CEP128: variants seen among roughly 807,000 people sequenced by gnomAD.
CEP128 encodes the protein centrosomal protein 128, also known as centrosomal protein 128kDa.
Under a neutral mutation model 156.7 loss-of-function variants are expected in CEP128, and 132 were observed. The observed-to-expected ratio is 0.84, with a 90% CI of 0.73 to 0.97. The LOEUF (loss-of-function observed/expected upper bound fraction) is 0.97. CEP128 is among the 50% of genes least tolerant of loss of function. The pLI is 0.00. For synonymous variants in CEP128, 469 were observed against 448.9 expected (o/e 1.04, Z -0.57); for missense variants, 1,252 against 1,281.9 (o/e 0.98, Z 0.36).
At chr14:80,783,788 T>C (rs1901249678) in intron 15 of CEP128, among the ~76,000 whole-genome samples, 1 of 152,142 alleles carries the variant, frequency 6.6e-6, no homozygotes, top group Non-Finnish European at 1.5e-5. Context: ...TTTTATTTCT[T>C]AGGAGCATAT....
chr14:80,801,758 A>G (rs1367242966), intron 13 of CEP128, among the ~76,000 whole-genome samples: 6 of 151,748 alleles, frequency 4.0e-5, no homozygotes, highest in African/African-American at 1.5e-4. Flanking sequence ...AATACAAAAA[A>G]TTAGCTGGGC....
At chr14:80,609,248 G>A (rs1892903382) in intron 19 of CEP128, among the ~76,000 whole-genome samples, 1 of 151,990 alleles carries the variant, frequency 6.6e-6, no homozygotes, top group African/African-American at 2.4e-5. Context: ...TATGTAATTG[G>A]GAAGGGCTAG....
intron 16 of CEP128, among the ~76,000 whole-genome samples, chr14:80,776,912 C>T (rs934908006): frequency 2.6e-5 from 4 of 152,114 alleles, no homozygotes; most frequent in African/African-American, 9.7e-5. Flanking sequence ...AAAGTAGTGA[C>T]TTCTAAAAAT....
At chr14:80,856,718 T>G (rs1033665935) in intron 9 of CEP128, among the ~76,000 whole-genome samples, 1 of 124,908 alleles carries the variant, frequency 8.0e-6, no homozygotes, top group Non-Finnish European at 1.5e-5. Flanking sequence ...TGTTTTTCTT[T>G]TCTTTTTTTT....
chr14:80,701,584 T>C (rs1377609210), intron 19 of CEP128, among the ~76,000 whole-genome samples: 1 of 152,018 alleles, frequency 6.6e-6, no homozygotes, highest in Admixed American at 6.6e-5. Flanking sequence ...ATCAAGGAGG[T>C]TATTTAAGAA....
intron 2 of CEP128, among the ~76,000 whole-genome samples, chr14:80,947,092 C>T (rs932871064): frequency 3.9e-5 from 6 of 152,100 alleles, no homozygotes; most frequent in Non-Finnish European, 8.8e-5. Flanking sequence ...CCTGTACAGC[C>T]AATAGAACTA....
chr14:80,685,197 C>T (rs1896478929), intron 19 of CEP128, among the ~76,000 whole-genome samples: 1 of 152,014 alleles, frequency 6.6e-6, no homozygotes, highest in African/African-American at 2.4e-5. Flanking sequence ...CCCTAGAAAA[C>T]TCTAAAGACT....
chr14:80,677,948 C>A lies in CEP128; in HGVS notation c.2806+65127G>T, dbSNP rs75188987. Among the ~76,000 whole-genome samples the A allele has an allele frequency of 6.2e-3, 945 of 151,510 alleles. 6 individuals carry two copies. The highest frequency in any genetic ancestry group is 9.6e-3 in the Non-Finnish European group (650 of 67,912). ...CCTGAGTATAGAAAACCACAATAAA[C>A]CAATTTATGCTTTTCAGACTTTCTT... is the stretch of plus-strand genomic sequence containing the variant. On this transcript the variant is annotated intron_variant, in intron 19 of 24. Transcript: ENST00000555265.
At chr14:80,702,992 G>A (rs546514649) in intron 19 of CEP128, among the ~76,000 whole-genome samples, 119 of 152,200 alleles carry the variant, frequency 7.8e-4, no homozygotes, top group African/African-American at 2.5e-3. Context: ...ATGTATGTAC[G>A]TATGTATTTA....
intron 2 of CEP128, among the ~76,000 whole-genome samples, chr14:80,950,924 A>G (rs998577765): frequency 6.2e-5 from 9 of 145,490 alleles, no homozygotes; most frequent in Non-Finnish European, 9.1e-5. Context: ...AAAAAAAAAA[A>G]GCAGATTATA....
At chr14:80,544,847 T>C (rs1257733181) in intron 21 of CEP128, among the ~76,000 whole-genome samples, 4 of 152,174 alleles carry the variant, frequency 2.6e-5, no homozygotes, top group Non-Finnish European at 5.9e-5. Flanking sequence ...CCAAGATCTA[T>C]TATGTATCTG....
intron 19 of CEP128, among the ~76,000 whole-genome samples, chr14:80,700,184 C>T (rs543607985): frequency 6.6e-6 from 1 of 152,246 alleles, no homozygotes; most frequent in South Asian, 2.1e-4. Context: ...CAGGATCAGA[C>T]TTTCTGAGTT....
intron 9 of CEP128, among the ~76,000 whole-genome samples, chr14:80,849,989 G>GA (rs527254389): frequency 2.6e-5 from 4 of 151,692 alleles, no homozygotes; most frequent in Non-Finnish European, 5.9e-5. Context: ...TGATTCCCGC[G>GA]AAAAAAATGC....
intron 19 of CEP128, among the ~76,000 whole-genome samples, chr14:80,593,838 G>T (rs903675389): frequency 6.6e-6 from 1 of 152,096 alleles, no homozygotes; most frequent in Admixed American, 6.5e-5. Context: ...CAAACAAATG[G>T]AAAAACATTC....
chr14:80,627,692 A>C (rs1396714827), intron 19 of CEP128, among the ~76,000 whole-genome samples: 1 of 152,022 alleles, frequency 6.6e-6, no homozygotes, highest in African/African-American at 2.4e-5. Context: ...AAATACTCAG[A>C]AAAGCAATTT....
chr14:80,831,435 C>A, intron 12 of CEP128, 141 bp from the exon 13 acceptor site: 1 of 783,560 alleles, frequency 1.3e-6, no homozygotes. Flanking sequence ...ACTTTGCCAG[C>A]CTGTTGTTTC....
At chr14:80,847,362 C>T (rs747212984) in intron 9 of CEP128, among the ~76,000 whole-genome samples, 1 of 151,966 alleles carries the variant, frequency 6.6e-6, no homozygotes, top group South Asian at 2.1e-4. Flanking sequence ...ATCAGCATGT[C>T]GACATTAATG....
intron 19 of CEP128, among the ~76,000 whole-genome samples, chr14:80,600,304 T>A (rs1298815790): frequency 6.6e-6 from 1 of 152,166 alleles, no homozygotes; most frequent in Non-Finnish European, 1.5e-5. Context: ...TCAAATAGGA[T>A]AAATTCAAAG....
chr14:80,625,336 T>C (rs566596649), intron 19 of CEP128, among the ~76,000 whole-genome samples: 1 of 152,348 alleles, frequency 6.6e-6, no homozygotes, highest in East Asian at 1.9e-4. Context: ...TATCACATTA[T>C]TTTGGTTAAT....
Sources: gnomAD v4.1 joint callset for allele counts (sites outside exome capture counted in the v4.1 genomes callset) on GRCh38, gnomAD v4.1.1 for gene constraint, MANE v1.5 for transcripts, NCBI Gene and HGNC (gene_info 2026-07-23, HGNC 2026-07-21) for gene names.